VAT1L: variants seen among roughly 807,000 people sequenced by gnomAD.
The protein encoded by VAT1L is putative NADPH-dependent quinone oxidoreductase VAT1L.
In VAT1L, 34 loss-of-function variants were observed where a neutral mutation model predicts 44.1. That is an observed-to-expected ratio of 0.77 (90% CI 0.59 to 1.03). VAT1L has a LOEUF of 1.03. Ranked by LOEUF, VAT1L falls within the 50% of genes least tolerant of loss-of-function variation. The pLI, the probability that VAT1L is intolerant of heterozygous loss-of-function variation, is 0.00. For synonymous variants in VAT1L, 253 were observed against 202.2 expected (o/e 1.25, Z -2.13); for missense variants, 615 against 538.8 (o/e 1.14, Z -1.40).
chr16:77,838,290 A>G (rs1027761866), intron 3 of VAT1L, among the ~76,000 whole-genome samples: 22 of 152,144 alleles, frequency 1.4e-4, no homozygotes, highest in African/African-American at 4.8e-4. Flanking sequence ...TATTGCCTTT[A>G]TTAAGAAGAA....
chr16:77,872,165 A>T (rs916666093), intron 4 of VAT1L, among the ~76,000 whole-genome samples: 2 of 152,108 alleles, frequency 1.3e-5, no homozygotes, highest in African/African-American at 4.8e-5. Flanking sequence ...AGTAGCAGAA[A>T]TGAATGCTTA....
chr16:77,789,410 G>A (rs2015792017), intron 1 of VAT1L, among the ~76,000 whole-genome samples: 1 of 152,302 alleles, frequency 6.6e-6, no homozygotes, highest in East Asian at 1.9e-4. Flanking sequence ...GCCGCTCAGC[G>A]AGAATGAGTG....
intron 7 of VAT1L, among the ~76,000 whole-genome samples, chr16:77,952,861 A>AAAAAAG: frequency 6.6e-6 from 1 of 150,858 alleles, no homozygotes; most frequent in Non-Finnish European, 1.5e-5. Flanking sequence ...CATTTAAAAA[A>AAAAAAG]AAAAAAAAAA....
chr16:77,963,564 A>C (rs993571993), intron 7 of VAT1L, among the ~76,000 whole-genome samples: 2 of 152,102 alleles, frequency 1.3e-5, no homozygotes, highest in African/African-American at 2.4e-5. Flanking sequence ...GTTGGTGGTC[A>C]TCTGTTACAG....
intron 3 of VAT1L, among the ~76,000 whole-genome samples, chr16:77,857,910 T>C (rs1330119253): frequency 1.3e-5 from 2 of 151,858 alleles, no homozygotes; most frequent in Non-Finnish European, 2.9e-5. Context: ...AGTCAGAACC[T>C]GCATAGGTTA....
chr16:77,810,931 T>C (rs1019732803), intron 1 of VAT1L, among the ~76,000 whole-genome samples: 2 of 152,196 alleles, frequency 1.3e-5, no homozygotes, highest in Non-Finnish European at 2.9e-5. Flanking sequence ...ACAATTACTT[T>C]TGCACCAACC....
chr16:77,908,102 G>A (rs924832029), intron 7 of VAT1L, among the ~76,000 whole-genome samples: 7 of 152,042 alleles, frequency 4.6e-5, no homozygotes, highest in Non-Finnish European at 7.4e-5. Context: ...AGCCGGGTGT[G>A]GTGGCGGACG....
At chr16:77,898,077 T>A (rs2142473376) in intron 7 of VAT1L, among the ~76,000 whole-genome samples, 1 of 152,266 alleles carries the variant, frequency 6.6e-6, no homozygotes, top group Non-Finnish European at 1.5e-5. Flanking sequence ...GGTCTGGCAA[T>A]CTTTGGCATT....
chr16:77,940,498 C>A (rs1317157441), intron 7 of VAT1L, among the ~76,000 whole-genome samples: 1 of 151,948 alleles, frequency 6.6e-6, no homozygotes, highest in Non-Finnish European at 1.5e-5. Context: ...CACGTGCTAC[C>A]ATGCCTGGGT....
intron 3 of VAT1L, among the ~76,000 whole-genome samples, chr16:77,854,601 T>C (rs2016839866): frequency 6.6e-6 from 1 of 152,238 alleles, no homozygotes; most frequent in African/African-American, 2.4e-5. Context: ...GATTTTGTGA[T>C]AATTTTCAGT....
chr16:77,808,875 G>C (rs777255116), intron 1 of VAT1L, among the ~76,000 whole-genome samples: 2 of 152,266 alleles, frequency 1.3e-5, no homozygotes, highest in Non-Finnish European at 2.9e-5. Flanking sequence ...GCGATTATAG[G>C]CGTGAGCCAC....
rs570595580 is a variant in VAT1L at position 77,834,292 on chromosome 16, C to T, written c.579+8831C>T. ...CCTCTGTAAGGTGTGTGGCCCTTGC[C>T]TGTTCTATAGAAGCTTTGTAGTCTG... is the stretch of plus-strand genomic sequence containing the variant. On this transcript the variant is annotated intron_variant, in intron 3 of 8. Coordinates refer to ENST00000302536, the MANE Select transcript of VAT1L (RefSeq NM_020927.3). Among the ~76,000 whole-genome samples the T allele has an allele frequency of 1.3e-4, 20 of 152,296 alleles. 1 individual carries two copies. The South Asian group carries it at 4.1e-3, about 32-fold the overall frequency.
chr16:77,816,166 A>G (rs556948660), intron 1 of VAT1L, among the ~76,000 whole-genome samples: 15 of 152,132 alleles, frequency 9.9e-5, no homozygotes, highest in Middle Eastern at 6.8e-3. Context: ...TTCCATTATG[A>G]TGACTTTGAT....
intron 7 of VAT1L, among the ~76,000 whole-genome samples, chr16:77,911,060 T>C (rs1005462823): frequency 1.3e-5 from 2 of 152,180 alleles, no homozygotes; most frequent in Non-Finnish European, 2.9e-5. Context: ...TTTACTATCA[T>C]CCCACAGGCA....
Position 77,884,553 on chromosome 16 carries a change from G to A in VAT1L, c.883-55G>A, listed in dbSNP as rs2017189152. Reference sequence around the variant, plus strand: ...TGATGACATCAGCAATGCTGCCAATGTAGGCTTAACCCCGGTATTGAGTTC... The same window carrying A: ...TGATGACATCAGCAATGCTGCCAATATAGGCTTAACCCCGGTATTGAGTTC... On this transcript the variant is annotated intron_variant, in intron 6 of 8. Transcript: ENST00000302536. This position sits in a 1 kb window ranked among gnomAD's most constrained non-coding sequence, Gnocchi z 4.5. 1.3e-6 allele frequency: 2 copies of A among 1,557,810 alleles called. No homozygotes were observed. Among genetic ancestry groups the A allele is most frequent in the African/African-American group, 1.4e-5 (1 of 73,316 alleles).
chr16:77,895,783 C>A (rs1348880027), intron 7 of VAT1L, among the ~76,000 whole-genome samples: 2 of 152,230 alleles, frequency 1.3e-5, no homozygotes, highest in African/African-American at 4.8e-5. Context: ...GAGTGCCTGC[C>A]TGCTGCGCGC....
intron 7 of VAT1L, among the ~76,000 whole-genome samples, chr16:77,951,502 C>A (rs553128349): frequency 6.6e-6 from 1 of 152,098 alleles, no homozygotes; most frequent in Non-Finnish European, 1.5e-5. Flanking sequence ...GCCGAGATTG[C>A]GCCACCGCAC....
At chr16:77,921,460 C>A (rs984608834) in intron 7 of VAT1L, among the ~76,000 whole-genome samples, 2 of 152,192 alleles carry the variant, frequency 1.3e-5, no homozygotes, top group African/African-American at 4.8e-5. Flanking sequence ...AACTATTTCT[C>A]TTGAGAAATG....
chr16:77,855,384 G>A (rs1257884368), intron 3 of VAT1L, among the ~76,000 whole-genome samples: 1 of 150,422 alleles, frequency 6.6e-6, no homozygotes, highest in Non-Finnish European at 1.5e-5. Flanking sequence ...AGAGACATGA[G>A]CTTACCCCTA....
Sources: gnomAD v4.1 joint callset for allele counts (sites outside exome capture counted in the v4.1 genomes callset) on GRCh38, gnomAD v4.1.1 for gene constraint, Gnocchi (gnomAD v3.1) non-coding constraint, MANE v1.5 for transcripts, NCBI Gene and HGNC (gene_info 2026-07-23, HGNC 2026-07-21) for gene names.